The following RNFT2 variants were observed in gnomAD, a reference collection of about 807,000 sequenced individuals.
RNFT2 encodes E3 ubiquitin-protein ligase RNFT2.
RNFT2 carries 36 observed loss-of-function variants against 53.0 expected under a neutral mutation model. The ratio of observed to expected loss-of-function variants is 0.68; its 90% CI spans 0.52 to 0.90. RNFT2 has a LOEUF of 0.90. RNFT2 is among the 40% of genes least tolerant of loss of function. The pLI, the probability that RNFT2 is intolerant of heterozygous loss-of-function variation, is 0.00. For synonymous variants in RNFT2, 260 were observed against 253.2 expected (o/e 1.03, Z -0.26); for missense variants, 514 against 585.6 (o/e 0.88, Z 1.26).
chr12:116,841,242 A>G (rs1301030036), intron 10 of RNFT2, among the ~76,000 whole-genome samples: 2 of 152,180 alleles, frequency 1.3e-5, no homozygotes, highest in Non-Finnish European at 2.9e-5. Context: ...GCTTGAGGCC[A>G]GAAGTTCAAG....
At chr12:116,740,770 C>T (rs1231156068) in intron 2 of RNFT2, 13 of 622,354 alleles carry the variant, frequency 2.1e-5, no homozygotes, top group East Asian at 1.1e-4. Flanking sequence ...CAGTTTACCG[C>T]GTTATCCTCT....
chr12:116,785,082 T>G (rs551123587), intron 7 of RNFT2, among the ~76,000 whole-genome samples: 1 of 151,968 alleles, frequency 6.6e-6, no homozygotes, highest in Non-Finnish European at 1.5e-5. Context: ...TGGTTCCCCC[T>G]CTGTTTCTTC....
At position 116,852,295 on chromosome 12, in the gene RNFT2, T is replaced by C. The variant is rs1877965738; in HGVS notation, c.*2847T>C. ...GAGGAGCTTTGTAGCCACCTCGCTG[T>C]CAGCCAGTATTAACATGTCCCCTTC... is the stretch of plus-strand genomic sequence containing the variant. On this transcript the variant is annotated 3_prime_UTR_variant, in exon 11 of 11. Coordinates refer to ENST00000257575, the MANE Select transcript of RNFT2 (RefSeq NM_001382266.1). 1.6e-6 allele frequency: 2 copies of C among 1,231,022 alleles called. No homozygotes were observed. 76.3% of individuals were successfully genotyped at this position (1,231,022 alleles called of 1,614,324 possible).
intron 7 of RNFT2, among the ~76,000 whole-genome samples, chr12:116,806,395 T>TAC (rs59185647): frequency 7.2e-6 from 1 of 139,412 alleles, no homozygotes; most frequent in Non-Finnish European, 1.5e-5. Context: ...TATATATATA[T>TAC]ATATAGATAG....
intron 6 of RNFT2, among the ~76,000 whole-genome samples, chr12:116,771,323 G>C (rs1175439311): frequency 6.6e-6 from 1 of 151,624 alleles, no homozygotes; most frequent in Admixed American, 6.6e-5. Context: ...AGCCGGGCAT[G>C]GTGGCGTGCA....
intron 2 of RNFT2, chr12:116,740,823 C>G: frequency 1.6e-6 from 1 of 627,808 alleles, no homozygotes; most frequent in Non-Finnish European, 2.9e-6. Flanking sequence ...TCGTCCTCCT[C>G]TGTGAAATGG....
chr12:116,776,038 C>CA (rs374092829), intron 6 of RNFT2, among the ~76,000 whole-genome samples: 147 of 143,218 alleles, frequency 1.0e-3, no homozygotes, highest in Admixed American at 2.0e-3. Flanking sequence ...GCGAGACTCT[C>CA]AAAAAAAAAA....
intron 10 of RNFT2, among the ~76,000 whole-genome samples, chr12:116,843,318 C>T (rs1412168097): frequency 6.6e-6 from 1 of 151,802 alleles, no homozygotes; most frequent in Non-Finnish European, 1.5e-5. Context: ...CATAGCAAGA[C>T]CCCAACTCTA....
rs373270784 is a variant in RNFT2, at chr12:116,833,832, T to A, written c.923T>A (p.Phe308Tyr). 1.2e-6 allele frequency: 2 copies of A among 1,613,208 alleles called. No individual in the cohort carries two copies. The highest frequency in any genetic ancestry group is 2.7e-5 in the African/African-American group (2 of 74,860). Residue 308 changes from phenylalanine (F) to tyrosine (Y), a missense_variant, in exon 8 of 11, where the codon TTC becomes TAC. Transcript: ENST00000257575. ...GTCATCGAGGAGCTGAGCCAGCTGT[T>A]CCGATCCCTTGTCCCCATCCAGCTG... ...YLVIEELSQL[F>Y]RSLVPIQLWY... is the part of the protein sequence containing the mutation.
At chr12:116,845,270 TATATAG>T (rs1363848785) in intron 10 of RNFT2, among the ~76,000 whole-genome samples, 1 of 117,768 alleles carries the variant, frequency 8.5e-6, no homozygotes, top group African/African-American at 5.2e-5. Context: ...TATATATATA[TATATAG>T]AGAGAGAGAG....
chr12:116,771,741 G>A (rs574661157), intron 6 of RNFT2, among the ~76,000 whole-genome samples: 8 of 152,170 alleles, frequency 5.3e-5, no homozygotes, highest in African/African-American at 1.7e-4. Flanking sequence ...AGAGTTCTAC[G>A]CAATGTGGTG....
chr12:116,826,454 A>G (rs1035263267), intron 7 of RNFT2, among the ~76,000 whole-genome samples: 2 of 152,222 alleles, frequency 1.3e-5, no homozygotes, highest in African/African-American at 2.4e-5. Flanking sequence ...GAGAAACCAC[A>G]CATCCCATTT....
At chr12:116,786,108 G>A (rs993512283) in intron 7 of RNFT2, among the ~76,000 whole-genome samples, 10 of 151,212 alleles carry the variant, frequency 6.6e-5, no homozygotes, top group African/African-American at 2.4e-4. Flanking sequence ...TGGAGGTTAA[G>A]AGATCAGGTA....
intron 7 of RNFT2, among the ~76,000 whole-genome samples, chr12:116,832,146 A>ATATATATATATATATATATATATAT (rs59112507): frequency 2.8e-5 from 2 of 71,092 alleles, no homozygotes; most frequent in African/African-American, 1.0e-4. Context: ...AAAAAAAAAA[A>ATATATATATATATATATATATATAT]AAATATATAT....
intron 7 of RNFT2, among the ~76,000 whole-genome samples, chr12:116,793,524 G>A (rs1371516070): frequency 2.0e-5 from 3 of 152,046 alleles, no homozygotes; most frequent in African/African-American, 7.2e-5. Context: ...TGTTGCATTT[G>A]CCTGGCCTGG....
At chr12:116,794,660 A>G (rs186692165) in intron 7 of RNFT2, among the ~76,000 whole-genome samples, 406 of 12,872 alleles carry the variant, frequency 0.032, 6 homozygotes, top group East Asian at 0.062. Flanking sequence ...GGAAGGAAGG[A>G]AGGGAGGAAG....
rs1872193047 is a variant in RNFT2 at position 116,750,863 on chromosome 12, A to G, written c.550+556A>G. 1.2e-3 allele frequency among the ~76,000 whole-genome samples: 4 copies of G among 3,256 alleles called. No homozygotes were observed. In the South Asian group the frequency reaches 0.067, roughly 54 times the overall value. The allele number at this position is 3,256 out of a possible 152,430, so 2.1% of individuals were successfully genotyped here. On this transcript the variant is annotated intron_variant, in intron 4 of 10. Transcript: ENST00000257575. ...ATTATATATATATAATATATATTAT[A>G]TATATATAATATATATATTATATAT...
intron 10 of RNFT2, among the ~76,000 whole-genome samples, chr12:116,841,838 TATATATAAATATATATAAAA>T (rs1877301115): frequency 9.0e-5 from 2 of 22,136 alleles, no homozygotes; most frequent in African/African-American, 3.9e-4. Context: ...TATATAAATA[TATATATAAATATATATAAAA>T]ATATATATAT....
chr12:116,843,457 C>T (rs1247180559), intron 10 of RNFT2, among the ~76,000 whole-genome samples: 22 of 129,848 alleles, frequency 1.7e-4, no homozygotes, highest in Non-Finnish European at 3.3e-4. Flanking sequence ...CACACCACTG[C>T]ACTCCAGCCC....
Sources: gnomAD v4.1 joint callset for allele counts (sites outside exome capture counted in the v4.1 genomes callset) on GRCh38, gnomAD v4.1.1 for gene constraint, MANE v1.5 for transcripts, NCBI Gene and HGNC (gene_info 2026-07-23, HGNC 2026-07-21) for gene names.